The following ZNF320 variants were observed in gnomAD, a reference collection of about 807,000 sequenced individuals.
ZNF320 encodes zinc finger gene 320.
In ZNF320, 2 loss-of-function variants were observed where a neutral mutation model predicts 6.8. That is an observed-to-expected ratio of 0.29 (90% CI 0.12 to 0.93). The LOEUF (loss-of-function observed/expected upper bound fraction) is 0.93. Ranked by LOEUF, ZNF320 falls within the 40% of genes least tolerant of loss-of-function variation. The pLI, the probability that ZNF320 is intolerant of heterozygous loss-of-function variation, is 0.55. For synonymous variants in ZNF320, 208 were observed against 203.2 expected (o/e 1.02, Z -0.20); for missense variants, 472 against 611.0 (o/e 0.77, Z 2.40).
chr19:52,864,198 G>C (rs1024009955), intron 5 of ZNF320: 2 of 210,038 alleles, frequency 9.5e-6, no homozygotes, highest in African/African-American at 4.7e-5. Flanking sequence ...CATTATGGAG[G>C]CGTTATCACC....
At chr19:52,865,434 T>TTTTATATATATATATATATATATATATA (rs368584132) in intron 5 of ZNF320, 7 of 152,764 alleles carry the variant, frequency 4.6e-5, no homozygotes, top group African/African-American at 2.2e-4. Context: ...GGTCCAGGCT[T>TTTTATATATATATATATATATATATATA]TATATATATA....
At chr19:52,866,273 C>T (rs534095803) in intron 5 of ZNF320, among the ~76,000 whole-genome samples, 2 of 149,256 alleles carry the variant, frequency 1.3e-5, no homozygotes, top group African/African-American at 4.9e-5. Context: ...GATGCAGTTA[C>T]TCATGCGCTG....
chr19:52,882,077 T>C (rs1371174185), intron 5 of ZNF320, 94 bp from the exon 6 acceptor site: 11 of 1,278,390 alleles, frequency 8.6e-6, no homozygotes. Flanking sequence ...AAAATACTTA[T>C]TTTAAACTTC....
intron 2 of ZNF320, among the ~76,000 whole-genome samples, chr19:52,892,899 C>T (rs140252620): frequency 1.6e-3 from 237 of 146,838 alleles, no homozygotes; most frequent in African/African-American, 5.7e-3. Flanking sequence ...TCTGATGAGA[C>T]TCCCTCTTTG....
At chr19:52,903,931 T>C in the ZNF320 span, among the ~76,000 whole-genome samples, 1 of 152,184 alleles carries the variant, frequency 6.6e-6, no homozygotes, top group Non-Finnish European at 1.5e-5. Flanking sequence ...GCAGGCATGC[T>C]GTGGGTGATC....
intron 5 of ZNF320, among the ~76,000 whole-genome samples, chr19:52,871,026 A>G (rs927521393): frequency 6.6e-6 from 1 of 152,024 alleles, no homozygotes; most frequent in African/African-American, 2.4e-5. Flanking sequence ...ACATGCCTGT[A>G]ATCCCAGCTA....
Position 52,881,396 on chromosome 19 carries a change from G to T in ZNF320, c.730C>A (p.Pro244Thr). ...TTGCCACACTCATTACACTTATAAGGTTTCTCTCCAGTATGACTTCTATGA... is the reference window on the plus strand; with the variant it reads ...TTGCCACACTCATTACACTTATAAGTTTTCTCTCCAGTATGACTTCTATGA... ...CHHRSHTGEK[P>T]YKCNECGKTF... The change falls in exon 6 of 6, where the codon CCT becomes ACT. Residue 244 changes from proline to threonine, a missense_variant. Around this residue, in one of 2 missense-constraint regions of ZNF320, gnomAD observed 462 missense variants for 559.7 expected, o/e 0.83. Transcript: ENST00000682928. 6.2e-7 allele frequency: 1 copy of T among 1,613,926 alleles called. No homozygotes were observed. The highest frequency in any genetic ancestry group is 8.5e-7 in the Non-Finnish European group (1 of 1,179,994).
intron 5 of ZNF320, among the ~76,000 whole-genome samples, chr19:52,866,996 G>C (rs1197879343): frequency 6.6e-6 from 1 of 151,626 alleles, no homozygotes; most frequent in Non-Finnish European, 1.5e-5. Flanking sequence ...ATTGCCCTTA[G>C]TTATCTAGTT....
chr19:52,889,350 C>G (rs1044605574), intron 4 of ZNF320, among the ~76,000 whole-genome samples: 13 of 151,822 alleles, frequency 8.6e-5, no homozygotes, highest in African/African-American at 3.1e-4. Context: ...ACTGCCTGGC[C>G]TGGAGGACAG....
chr19:52,869,801 C>T (rs1307491400), intron 5 of ZNF320, among the ~76,000 whole-genome samples: 2 of 151,936 alleles, frequency 1.3e-5, no homozygotes, highest in South Asian at 2.1e-4. Context: ...CTGCAACTTC[C>T]GTCTAATGGT....
downstream of ZNF320, among the ~76,000 whole-genome samples, chr19:52,859,898 C>T (rs936242904): frequency 9.6e-5 from 14 of 145,632 alleles, no homozygotes; most frequent in Non-Finnish European, 1.8e-4. Context: ...AATGCCTCCT[C>T]TTTAAGTTTT....
chr19:52,888,363 G>A (rs1168425734), intron 4 of ZNF320, 110 bp from the exon 5 acceptor site: 1 of 407,446 alleles, frequency 2.5e-6, no homozygotes, highest in East Asian at 3.3e-5. Context: ...AGAATGTTCC[G>A]ACAAATCCAA....
At chr19:52,868,932 A>G (rs1387187319) in intron 5 of ZNF320, among the ~76,000 whole-genome samples, 1 of 152,058 alleles carries the variant, frequency 6.6e-6, no homozygotes, top group Non-Finnish European at 1.5e-5. Flanking sequence ...CAGTGAGAGT[A>G]GTGTTGGAGG....
chr19:52,864,420 T>G (rs911651607), intron 5 of ZNF320, among the ~76,000 whole-genome samples: 1 of 152,210 alleles, frequency 6.6e-6, no homozygotes, highest in African/African-American at 2.4e-5. Context: ...GATATTATGT[T>G]CAGCCTAACA....
At chr19:52,886,132 T>A (rs1210262003) in intron 5 of ZNF320, among the ~76,000 whole-genome samples, 1 of 152,114 alleles carries the variant, frequency 6.6e-6, no homozygotes, top group Non-Finnish European at 1.5e-5. Flanking sequence ...GGAATTTTTT[T>A]ATTTTTATTT....
chr19:52,891,103 C>G (rs570256623), intron 3 of ZNF320, 126 bp downstream of exon 3: 2 of 152,074 alleles, frequency 1.3e-5, no homozygotes, highest in East Asian at 3.9e-4. Flanking sequence ...GGGCCGAGAT[C>G]GTGCAACTAC....
At chr19:52,899,215 C>T (rs529235437), upstream of ZNF320, among the ~76,000 whole-genome samples, 2 of 152,170 alleles carry the variant, frequency 1.3e-5, no homozygotes, top group Non-Finnish European at 2.9e-5. Context: ...ACTATTATAA[C>T]TCTTATTATA....
chr19:52,888,588 C>CAG lies in ZNF320; in HGVS notation c.16-336_16-335insCT, dbSNP rs1450449398. ...GAGGTTTCAGTGAGCTGCGATTGCA[C>CAG]CAAGGCATTCTAGCCTGGGCAACAA... On this transcript the variant is annotated intron_variant, in intron 4 of 5. Coordinates refer to ENST00000682928, the MANE Select transcript of ZNF320 (RefSeq NM_001351774.2). Among the ~76,000 whole-genome samples the CAG allele has an allele frequency of 9.3e-4, 93 of 100,248 alleles. 1 individual carries two copies. The highest frequency in any genetic ancestry group is 3.7e-3 in the African/African-American group (86 of 23,396). The allele number at this position is 100,248 out of a possible 152,430, so 65.8% of individuals were successfully genotyped here.
At chr19:52,899,342 T>G (rs1460540465), upstream of ZNF320, among the ~76,000 whole-genome samples, 2 of 152,234 alleles carry the variant, frequency 1.3e-5, no homozygotes, top group Non-Finnish European at 2.9e-5. Flanking sequence ...TAACTATGTC[T>G]TCAACTACTT....
Sources: allele counts gnomAD v4.1 joint callset (sites outside exome capture counted in the v4.1 genomes callset), GRCh38; gene constraint gnomAD v4.1.1; regional missense constraint gnomAD v4.1.1; transcripts MANE v1.5; gene names NCBI Gene and HGNC (gene_info 2026-07-23, HGNC 2026-07-21).